Variants in CLSTN1 observed in about 807,000 individuals in gnomAD.
CLSTN1 encodes calsyntenin 1, also known as calsyntenin-1.
Under a neutral mutation model 108.3 loss-of-function variants are expected in CLSTN1, and 28 were observed. That is an observed-to-expected ratio of 0.26 (90% confidence interval 0.19 to 0.35). CLSTN1 has a LOEUF of 0.35. CLSTN1 is among the 10% of genes least tolerant of loss of function. The pLI is 1.00. For missense variants in CLSTN1, 1,157 were observed against 1,302.6 expected (o/e 0.89, Z 1.72); for synonymous variants, 524 against 534.9 (o/e 0.98, Z 0.28).
intron 1 of CLSTN1, among the ~76,000 whole-genome samples, chr1:9,815,443 A>G (rs1353306057): frequency 2.6e-5 from 4 of 152,210 alleles, no homozygotes; most frequent in Non-Finnish European, 4.4e-5. Flanking sequence ...TATGAGAGAC[A>G]ATGGCAAAGG....
At chr1:9,778,155 T>G (rs1653046066) in intron 1 of CLSTN1, among the ~76,000 whole-genome samples, 1 of 151,612 alleles carries the variant, frequency 6.6e-6, no homozygotes, top group Admixed American at 6.6e-5. Flanking sequence ...TCATTACATA[T>G]AAAATGTTCA....
At chr1:9,804,007 C>A (rs919705563) in intron 1 of CLSTN1, among the ~76,000 whole-genome samples, 3 of 152,058 alleles carry the variant, frequency 2.0e-5, no homozygotes, top group African/African-American at 7.2e-5. Context: ...AAAGAATAAG[C>A]CCAAATAAAC....
chr1:9,788,140 C>T (rs1034244411), intron 1 of CLSTN1, among the ~76,000 whole-genome samples: 6 of 151,442 alleles, frequency 4.0e-5, no homozygotes, highest in African/African-American at 4.8e-5. Flanking sequence ...CTTGTAGTCC[C>T]GCCTACTTGG....
intron 2 of CLSTN1, among the ~76,000 whole-genome samples, chr1:9,765,380 A>G (rs1019712413): frequency 1.3e-5 from 2 of 151,700 alleles, no homozygotes; most frequent in Non-Finnish European, 2.9e-5. Flanking sequence ...GCGAGACTCC[A>G]TCTCAGAAAA....
Position 9,755,149 on chromosome 1 carries a change from C to T in CLSTN1, c.405G>A (p.Lys135=), listed in dbSNP as rs1168721531. 6.2e-7 allele frequency: 1 copy of T among 1,613,672 alleles called. No homozygotes were observed. The highest frequency in any genetic ancestry group is 8.5e-7 in the Non-Finnish European group (1 of 1,179,662). Residue 135 remains lysine, a synonymous_variant, in exon 4 of 19, where the codon AAG becomes AAA. Coordinates refer to ENST00000377298, the MANE Select transcript of CLSTN1 (RefSeq NM_001009566.3). The part of the protein sequence containing the change: ...SFTIQAYDCG[K]GPDGTNVKKS... ...TTTTCACGTTGGTGCCATCAGGTCCCTTCCCACAATCATAGGCCTGGATGG... is the reference window on the plus strand; with the variant it reads ...TTTTCACGTTGGTGCCATCAGGTCCTTTCCCACAATCATAGGCCTGGATGG...
chr1:9,769,981 G>C (rs986182258), intron 2 of CLSTN1, among the ~76,000 whole-genome samples: 1 of 147,248 alleles, frequency 6.8e-6, no homozygotes, highest in Non-Finnish European at 1.5e-5. Context: ...AGTGAGCCGA[G>C]ATCGCGCCAC....
At chr1:9,811,267 C>CA (rs1351959188) in intron 1 of CLSTN1, among the ~76,000 whole-genome samples, 4 of 152,130 alleles carry the variant, frequency 2.6e-5, no homozygotes, top group African/African-American at 4.8e-5. Flanking sequence ...TTTAACATGT[C>CA]AGATTTCATA....
At position 9,730,353 on chromosome 1, in the gene CLSTN1, G is replaced by A. The variant is rs892762319; in HGVS notation, c.*155C>T. The A allele has an allele frequency of 4.1e-4, 297 of 725,102 alleles. 4 individuals carry two copies. In the East Asian group the frequency reaches 7.2e-3, roughly 18 times the overall value. 44.9% of individuals were successfully genotyped at this position (725,102 alleles called of 1,614,324 possible). On this transcript the variant is annotated 3_prime_UTR_variant, in exon 19 of 19. Transcript: ENST00000377298. The surrounding 1 kb of genome is among the most constrained non-coding windows in gnomAD (Gnocchi z 5.6). ...GGCAGAGGGTGGGCGGGGAGCCTAG[G>A]GTCCTACACACCAAGCACAGCGACG...
At chr1:9,781,631 T>G (rs763032724) in intron 1 of CLSTN1, among the ~76,000 whole-genome samples, 14 of 151,900 alleles carry the variant, frequency 9.2e-5, no homozygotes, top group Non-Finnish European at 1.8e-4. Flanking sequence ...TTAGTAGAGA[T>G]GGGGTTTCTC....
intron 10 of CLSTN1, among the ~76,000 whole-genome samples, chr1:9,740,185 G>A (rs1010218646): frequency 2.6e-5 from 4 of 151,838 alleles, no homozygotes; most frequent in Admixed American, 2.0e-4. Context: ...TGAGCCTCTC[G>A]AGTAGCTGGG....
chr1:9,781,185 A>C, intron 1 of CLSTN1: 1 of 794,652 alleles, frequency 1.3e-6, no homozygotes, highest in Admixed American at 2.0e-5. Flanking sequence ...TCAGTTATTA[A>C]GGAGCTTCGC....
chr1:9,801,845 C>G (rs1654285702), intron 1 of CLSTN1, among the ~76,000 whole-genome samples: 1 of 152,156 alleles, frequency 6.6e-6, no homozygotes, highest in Non-Finnish European at 1.5e-5. Context: ...CGTGAGCCAC[C>G]ACGCCCGGCC....
At chr1:9,776,369 AC>A (rs1652942510) in intron 1 of CLSTN1, among the ~76,000 whole-genome samples, 1 of 151,724 alleles carries the variant, frequency 6.6e-6, no homozygotes, top group African/African-American at 2.4e-5. Flanking sequence ...ATAAACCCAG[AC>A]CCCGGGGAGT....
intron 12 of CLSTN1, 130 bp from the exon 13 acceptor site, chr1:9,735,745 G>T: frequency 6.7e-7 from 1 of 1,496,826 alleles, no homozygotes; most frequent in Non-Finnish European, 9.1e-7. Context: ...AGAAAAGCTC[G>T]TTTAAGTCCA....
intron 1 of CLSTN1, among the ~76,000 whole-genome samples, chr1:9,814,545 G>C (rs1654895780): frequency 6.6e-6 from 1 of 152,250 alleles, no homozygotes; most frequent in Middle Eastern, 3.4e-3. Flanking sequence ...AAAATCAAAG[G>C]ACTAGAAAAA....
chr1:9,774,861 AC>A (rs1483004424), intron 1 of CLSTN1, among the ~76,000 whole-genome samples: 2 of 152,172 alleles, frequency 1.3e-5, no homozygotes, highest in East Asian at 3.9e-4. Context: ...TCTTGATTAC[AC>A]GCTAAACGAA....
At chr1:9,747,290 TGA>T (rs1342977245) in intron 7 of CLSTN1, among the ~76,000 whole-genome samples, 1 of 150,606 alleles carries the variant, frequency 6.6e-6, no homozygotes, top group Admixed American at 6.7e-5. Flanking sequence ...TACCATGAAA[TGA>T]GAGACGGAAT....
Position 9,733,422 on chromosome 1 carries a change from G to C in CLSTN1, c.2406C>G (p.Ile802Met), listed in dbSNP as rs372309624. The change falls in exon 16 of 19, where the codon ATC (isoleucine) becomes ATG (methionine). Residue 802 changes from isoleucine (I) to methionine (M), a missense_variant. Ile to Met is a conservative substitution (Grantham distance 10). Coordinates refer to ENST00000377298, the MANE Select transcript of CLSTN1 (RefSeq NM_001009566.3). ...TCACCTCCACCTTAAATTCGTTGCT[G>C]ATGTAGCGGCCATTCAGCTCTGAGC... ...LICSELNGRY[I>M]SNEFKVEVNV... 1 of 1,614,228 alleles carries C rather than the reference G, an allele frequency of 6.2e-7. No homozygotes were observed. The highest frequency in any genetic ancestry group is 1.1e-5 in the South Asian group (1 of 91,080).
intron 10 of CLSTN1, among the ~76,000 whole-genome samples, chr1:9,738,572 T>C (rs1022103190): frequency 2.0e-5 from 3 of 152,194 alleles, no homozygotes; most frequent in Admixed American, 6.6e-5. Flanking sequence ...GGCCAACGTG[T>C]AGCAAAAGTG....
Sources: gnomAD v4.1 joint callset for allele counts (sites outside exome capture counted in the v4.1 genomes callset) on GRCh38, gnomAD v4.1.1 for gene constraint, Gnocchi (gnomAD v3.1) non-coding constraint, MANE v1.5 for transcripts, NCBI Gene and HGNC (gene_info 2026-07-23, HGNC 2026-07-21) for gene names.